STX7: variants seen among roughly 807,000 people sequenced by gnomAD.
The protein encoded by STX7 is syntaxin 7.
STX7 carries 34 observed loss-of-function variants against 39.6 expected under a neutral mutation model. That is an observed-to-expected ratio of 0.86 (90% CI 0.65 to 1.14). The LOEUF is 1.14. STX7 is among the 50% of genes most tolerant of loss of function. The probability of loss-of-function intolerance (pLI) is 0.00; values close to 1 mark genes in which losing one functional copy is unlikely to be tolerated. For synonymous variants in STX7, 119 were observed against 99.1 expected, an observed-to-expected ratio of 1.20 and a Z score of -1.19; for missense variants, 284 against 310.4, an observed-to-expected ratio of 0.92 and a Z score of 0.64.
At chr6:132,474,481 T>C (rs1434476304) in intron 3 of STX7, among the ~76,000 whole-genome samples, 3 of 152,148 alleles carry the variant, frequency 2.0e-5, no homozygotes, top group African/African-American at 7.2e-5. Context: ...CCTAAAAATA[T>C]GAATTCCTAT....
chr6:132,486,435 A>C (rs558228083), intron 2 of STX7, among the ~76,000 whole-genome samples: 1 of 152,278 alleles, frequency 6.6e-6, no homozygotes, highest in African/African-American at 2.4e-5. Context: ...AATTTGTCAA[A>C]TGCTTTTTCT....
At chr6:132,507,837 T>C (rs62424932) in intron 1 of STX7, among the ~76,000 whole-genome samples, 3,553 of 152,324 alleles carry the variant, frequency 0.023, 63 homozygotes, top group Non-Finnish European at 0.034. Context: ...GTTATTCATG[T>C]AATCTCTGGG....
chr6:132,448,524 C>T lies in STX7; in HGVS notation c.*12234G>A. The T allele has an allele frequency of 6.6e-6, 1 of 152,206 alleles. No homozygotes were observed. The highest frequency in any genetic ancestry group is 1.5e-5 in the Non-Finnish European group (1 of 68,024). The allele number at this position is 152,206 out of a possible 1,614,324, so 9.4% of individuals were successfully genotyped here. A position where few individuals can be genotyped will look rare whatever the true frequency, so the allele number is the denominator to read the frequency against. ...ATGTTATTCCACTGTCTTTTGCCTT[C>T]CAGTTTTGGCACTGAAAAGTCTACT... On this transcript the variant is annotated 3_prime_UTR_variant, in exon 10 of 10. Coordinates refer to ENST00000367941, the MANE Select transcript of STX7 (RefSeq NM_003569.3).
chr6:132,505,755 A>AAC (rs1554252680), intron 1 of STX7, among the ~76,000 whole-genome samples: 16 of 149,800 alleles, frequency 1.1e-4, no homozygotes, highest in African/African-American at 3.9e-4. Context: ...AAAAAAAAAA[A>AAC]AAAAAAAAAC....
chr6:132,483,405 C>T (rs903747523), intron 2 of STX7, among the ~76,000 whole-genome samples: 4 of 152,072 alleles, frequency 2.6e-5, no homozygotes, highest in African/African-American at 9.7e-5. Flanking sequence ...AAAAGGAGGG[C>T]CTACTGCAGT....
intron 9 of STX7, among the ~76,000 whole-genome samples, chr6:132,463,052 T>A (rs1363510898): frequency 6.6e-6 from 1 of 151,904 alleles, no homozygotes; most frequent in Admixed American, 6.6e-5. Context: ...CAAAACTCTA[T>A]CTCTACAAAA....
At chr6:132,465,159 T>C (rs1375802122) in intron 8 of STX7, among the ~76,000 whole-genome samples, 1 of 152,180 alleles carries the variant, frequency 6.6e-6, no homozygotes, top group Non-Finnish European at 1.5e-5. Context: ...TCACTGACCA[T>C]ACTTTTTCCA....
At chr6:132,510,504 T>C (rs1263309799) in intron 1 of STX7, among the ~76,000 whole-genome samples, 2 of 152,236 alleles carry the variant, frequency 1.3e-5, no homozygotes, top group East Asian at 3.8e-4. Context: ...CACCATTTTA[T>C]ATTGTGTATC....
At chr6:132,495,916 ATC>A (rs750048827) in intron 2 of STX7, among the ~76,000 whole-genome samples, 8 of 152,192 alleles carry the variant, frequency 5.3e-5, no homozygotes, top group East Asian at 1.9e-4. Context: ...AACCAAAAAC[ATC>A]TGTTTCGATT....
rs1774225172 is a variant in STX7, at chr6:132,455,600, T to C, written c.*5158A>G. 6.6e-6 allele frequency: 1 copy of C among 152,180 alleles called. No homozygotes were observed. The highest frequency in any genetic ancestry group is 6.5e-5 in the Admixed American group (1 of 15,270). The allele number at this position is 152,180 out of a possible 1,614,324, so 9.4% of individuals were successfully genotyped here. ...ACATTTTAAGCATAAATGCCATCAC[T>C]ACACAAAACCTACGGGAATCCCACT... On this transcript the variant is annotated 3_prime_UTR_variant, in exon 10 of 10. Coordinates refer to ENST00000367941, the MANE Select transcript of STX7 (RefSeq NM_003569.3).
At position 132,448,966 on chromosome 6, in the gene STX7, G is replaced by A. The variant is rs1462096193; in HGVS notation, c.*11792C>T. ...AGTTTGAGTATAATGAATATACATT[G>A]GCTTCCTTTTCCTGGTTGATATACA... On this transcript the variant is annotated 3_prime_UTR_variant, in exon 10 of 10. Coordinates refer to ENST00000367941, the MANE Select transcript of STX7 (RefSeq NM_003569.3). The A allele has an allele frequency of 6.6e-6, 1 of 150,826 alleles. No individual in the cohort carries two copies. Among genetic ancestry groups the A allele is most frequent in the Non-Finnish European group, 1.5e-5 (1 of 67,816 alleles). 9.3% of individuals were successfully genotyped at this position (150,826 alleles called of 1,614,324 possible).
chr6:132,462,582 GGTGTGTGTGTGTGT>G (rs71952617), intron 9 of STX7, among the ~76,000 whole-genome samples: 2,367 of 144,994 alleles, frequency 0.016, 22 homozygotes, highest in Middle Eastern at 0.035. Flanking sequence ...CATTTGCAGG[GGTGTGTGTGTGTGT>G]GTGTGTGTGT....
intron 8 of STX7, 104 bp downstream of exon 8, chr6:132,468,299 C>T (rs1774614221): frequency 1.1e-6 from 1 of 875,966 alleles, no homozygotes; most frequent in Non-Finnish European, 1.9e-6. Context: ...TCCAGGGAAA[C>T]CAAAAAAGGG....
chr6:132,455,497 A>G lies in STX7; in HGVS notation c.*5261T>C, dbSNP rs1774222623. On this transcript the variant is annotated 3_prime_UTR_variant, in exon 10 of 10. Coordinates refer to ENST00000367941, the MANE Select transcript of STX7 (RefSeq NM_003569.3). ...ATTTAAAGATTCAATTCAGTTCTAG[A>G]AAACTCCCTCGTCAACAAGTAGAGG... is the stretch of plus-strand genomic sequence containing the variant. 1 of 152,222 alleles carries G rather than the reference A, an allele frequency of 6.6e-6. No individual in the cohort carries two copies. The highest frequency in any genetic ancestry group is 1.5e-5 in the Non-Finnish European group (1 of 68,034). 9.4% of individuals were successfully genotyped at this position (152,222 alleles called of 1,614,324 possible).
chr6:132,461,991 ATCT>A, intron 9 of STX7: 6 of 879,702 alleles, frequency 6.8e-6, no homozygotes, highest in Non-Finnish European at 1.0e-5. Flanking sequence ...CCACATATTC[ATCT>A]AATTTTTCCA....
chr6:132,503,335 A>T, intron 2 of STX7, 111 bp downstream of exon 2: 1 of 856,918 alleles, frequency 1.2e-6, no homozygotes, highest in Non-Finnish European at 1.9e-6. Flanking sequence ...ACCTGTTGTT[A>T]GAGGAATGCT....
chr6:132,507,447 C>T (rs1432445232), intron 1 of STX7, among the ~76,000 whole-genome samples: 1 of 152,212 alleles, frequency 6.6e-6, no homozygotes, highest in Non-Finnish European at 1.5e-5. Context: ...AGTTTGTAAT[C>T]ATTAGCAATC....
intron 2 of STX7, among the ~76,000 whole-genome samples, chr6:132,478,615 C>T (rs948530369): frequency 2.0e-5 from 3 of 152,144 alleles, no homozygotes; most frequent in African/African-American, 7.2e-5. Context: ...CCTCTCATTC[C>T]CATTTAACCG....
intron 2 of STX7, among the ~76,000 whole-genome samples, chr6:132,486,476 T>C (rs1775135050): frequency 6.6e-6 from 1 of 151,710 alleles, no homozygotes; most frequent in African/African-American, 2.4e-5. Flanking sequence ...ATAGGTTTTC[T>C]TTTTAAGTTT....
Sources: gnomAD v4.1 joint callset for allele counts (sites outside exome capture counted in the v4.1 genomes callset) on GRCh38, gnomAD v4.1.1 for gene constraint, MANE v1.5 for transcripts, NCBI Gene and HGNC (gene_info 2026-07-23, HGNC 2026-07-21) for gene names.